Variants in MYO1E observed in about 807,000 individuals in gnomAD.
MYO1E encodes unconventional myosin-Ie.
MYO1E carries 68 observed loss-of-function variants against 151.1 expected under a neutral mutation model. The observed-to-expected ratio is 0.45, with a 90% confidence interval of 0.37 to 0.55. The LOEUF (loss-of-function observed/expected upper bound fraction) is 0.55, where lower values mean the gene tolerates loss of function less well. Among genes scored for constraint, MYO1E ranks in the 20% least tolerant of loss-of-function variants. The pLI, the probability that MYO1E is intolerant of heterozygous loss-of-function variation, is 0.00. For synonymous variants in MYO1E, 601 were observed against 501.7 expected (o/e 1.20, Z -2.64); for missense variants, 1,363 against 1,389.3 (o/e 0.98, Z 0.30).
At position 59,189,900 on chromosome 15, in the gene MYO1E, G is replaced by A. The variant is rs549894202; in HGVS notation, c.1806-1684C>T. Among the ~76,000 whole-genome samples the A allele has an allele frequency of 2.0e-4, 31 of 152,320 alleles. No homozygotes were observed. In the South Asian group the frequency reaches 3.7e-3, roughly 18 times the overall value. ...AAAAAATGGATGTAAAGAACTATTA[G>A]GTTAATATTCTCACACATGAGGATT... is the stretch of plus-strand genomic sequence containing the variant. On this transcript the variant is annotated intron_variant, in intron 17 of 27. Transcript: ENST00000288235.
Position 59,214,732 on chromosome 15 carries a change from A to G in MYO1E, c.1108-12T>C, listed in dbSNP as rs2079902784. ...GCTTTATTGATGGACTAGAGAAAGT[A>G]AACAGCATGGCAGTGAACTCCTTTC... On this transcript the variant is annotated splice_polypyrimidine_tract_variant and intron_variant, in intron 10 of 27. Transcript: ENST00000288235. 2 of 1,603,792 alleles carry G rather than the reference A, an allele frequency of 1.2e-6. No individual in the cohort carries two copies. The highest frequency in any genetic ancestry group is 2.2e-5 in the East Asian group (1 of 44,818).
At chr15:59,309,083 C>T (rs1301617918) in intron 1 of MYO1E, among the ~76,000 whole-genome samples, 1 of 151,892 alleles carries the variant, frequency 6.6e-6, no homozygotes, top group Non-Finnish European at 1.5e-5. Flanking sequence ...CACTGCACTC[C>T]AGCCTGGGTG....
chr15:59,215,117 C>A (rs1237301836), intron 10 of MYO1E, among the ~76,000 whole-genome samples: 1 of 152,138 alleles, frequency 6.6e-6, no homozygotes, highest in Non-Finnish European at 1.5e-5. Context: ...TTCCATTCAC[C>A]AGTCATTTAA....
chr15:59,362,084 G>T (rs573330555), intron 1 of MYO1E, among the ~76,000 whole-genome samples: 2 of 152,028 alleles, frequency 1.3e-5, no homozygotes, highest in Non-Finnish European at 2.9e-5. Context: ...TGATCCACCC[G>T]CCTCGGCCTT....
At chr15:59,240,225 T>A (rs67037466) in intron 4 of MYO1E, among the ~76,000 whole-genome samples, 1 of 152,008 alleles carries the variant, frequency 6.6e-6, no homozygotes, top group Non-Finnish European at 1.5e-5. Flanking sequence ...TGGATCCCAG[T>A]CTCCAGGGAC....
chr15:59,366,997 CAAAA>C (rs66848377), intron 1 of MYO1E, among the ~76,000 whole-genome samples: 784 of 28,522 alleles, frequency 0.027, 5 homozygotes, highest in African/African-American at 0.056. Context: ...TGCATTTTCG[CAAAA>C]AAAAAAAAAA....
In MYO1E at chr15:59,305,578, CAGATG is replaced by C. The variant is rs1431581952; in HGVS notation, c.4-33134_4-33130del. 2.6e-5 allele frequency among the ~76,000 whole-genome samples: 4 copies of C among 152,218 alleles called. No individual in the cohort carries two copies. In the East Asian group the frequency reaches 7.7e-4, roughly 29 times the overall value. Reference sequence around the variant, plus strand: ...TTAAACTGCCCCTTGAACTCCCCAGCAGATGAGATAAACCCTGAGTCACAACTTTC... The same window carrying C: ...TTAAACTGCCCCTTGAACTCCCCAGCAGATAAACCCTGAGTCACAACTTTC... On this transcript the variant is annotated intron_variant, in intron 1 of 27. Coordinates refer to ENST00000288235, the MANE Select transcript of MYO1E (RefSeq NM_004998.4).
intron 1 of MYO1E, among the ~76,000 whole-genome samples, chr15:59,296,604 T>C (rs1232331683): frequency 6.6e-6 from 1 of 152,074 alleles, no homozygotes; most frequent in African/African-American, 2.4e-5. Context: ...GCAGGCACTG[T>C]CCACATCAAC....
intron 19 of MYO1E, among the ~76,000 whole-genome samples, chr15:59,177,392 C>G (rs1461165738): frequency 6.6e-6 from 1 of 152,066 alleles, no homozygotes; most frequent in African/African-American, 2.4e-5. Context: ...ATGGGGCCCA[C>G]CTTAGAGGAG....
rs910476737 is a variant in MYO1E at position 59,223,129 on chromosome 15, C to G, written c.840G>C (p.Ala280=). ...TGATGTTTCCCAGGTGGAGAATACCCGCCACTATCTGCAACACCAGCGTTT... is the reference window on the plus strand; with the variant it reads ...TGATGTTTCCCAGGTGGAGAATACCGGCCACTATCTGCAACACCAGCGTTT... ...EEQTLVLQIV[A]GILHLGNISF... Residue 280 remains alanine (A), a synonymous_variant, in exon 9 of 28, where the codon GCG becomes GCC. Coordinates refer to ENST00000288235, the MANE Select transcript of MYO1E (RefSeq NM_004998.4). The G allele has an allele frequency of 9.3e-6, 15 of 1,614,068 alleles. No homozygotes were observed. Among genetic ancestry groups the G allele is most frequent in the Non-Finnish European group, 1.1e-5 (13 of 1,180,036 alleles).
chr15:59,207,908 C>T, intron 14 of MYO1E: 1 of 1,614,136 alleles, frequency 6.2e-7, no homozygotes, highest in Non-Finnish European at 8.5e-7. Flanking sequence ...CATCCAGTTT[C>T]CACCATAATT....
intron 1 of MYO1E, among the ~76,000 whole-genome samples, chr15:59,305,449 C>T (rs563429598): frequency 1.7e-4 from 26 of 152,270 alleles, no homozygotes; most frequent in Non-Finnish European, 3.1e-4. Flanking sequence ...CCCACCTCAG[C>T]CTCCCAAAGT....
At chr15:59,364,417 A>G (rs2080901872) in intron 1 of MYO1E, among the ~76,000 whole-genome samples, 1 of 152,154 alleles carries the variant, frequency 6.6e-6, no homozygotes. Flanking sequence ...TGGAAGGAGG[A>G]ACTCTCCCCT....
intron 1 of MYO1E, among the ~76,000 whole-genome samples, chr15:59,320,240 T>C (rs963325917): frequency 6.6e-6 from 1 of 152,126 alleles, no homozygotes; most frequent in African/African-American, 2.4e-5. Context: ...AAAATGGCCA[T>C]ACTGCCCAAA....
intron 16 of MYO1E, among the ~76,000 whole-genome samples, chr15:59,201,940 T>C (rs947464163): frequency 1.3e-5 from 2 of 152,204 alleles, no homozygotes; most frequent in African/African-American, 4.8e-5. Context: ...CAAGTAACGT[T>C]CCATAACTGG....
At chr15:59,237,287 G>A (rs1422607190) in intron 4 of MYO1E, among the ~76,000 whole-genome samples, 2 of 152,130 alleles carry the variant, frequency 1.3e-5, no homozygotes, top group Non-Finnish European at 2.9e-5. Flanking sequence ...CATGTGCCTT[G>A]AATTGATGCA....
intron 1 of MYO1E, among the ~76,000 whole-genome samples, chr15:59,302,660 C>T (rs1186628840): frequency 6.6e-6 from 1 of 152,198 alleles, no homozygotes; most frequent in African/African-American, 2.4e-5. Context: ...GTCTCTTTTT[C>T]TCTGAATCTC....
intron 1 of MYO1E, among the ~76,000 whole-genome samples, chr15:59,371,601 C>T (rs2080945192): frequency 6.6e-6 from 1 of 152,074 alleles, no homozygotes; most frequent in Non-Finnish European, 1.5e-5. Flanking sequence ...AGAAAAGTCA[C>T]AAGTCAAAGA....
chr15:59,268,049 G>A (rs1566997111), intron 2 of MYO1E, among the ~76,000 whole-genome samples: 1 of 152,122 alleles, frequency 6.6e-6, no homozygotes, highest in African/African-American at 2.4e-5. Context: ...GGGATAAAGT[G>A]AGCAATTTTA....
Sources: allele counts gnomAD v4.1 joint callset (sites outside exome capture counted in the v4.1 genomes callset), GRCh38; gene constraint gnomAD v4.1.1; transcripts MANE v1.5; gene names NCBI Gene and HGNC (gene_info 2026-07-23, HGNC 2026-07-21).